The following RELCH variants were observed in gnomAD, a reference collection of about 807,000 sequenced individuals.
RELCH encodes RAB11 binding and LisH domain, coiled-coil and HEAT repeat containing.
A neutral mutation model predicts 150.3 loss-of-function variants in RELCH; 41 were observed. That is an observed-to-expected ratio of 0.27 (90% CI 0.21 to 0.35). The LOEUF is 0.35. Ranked by LOEUF, RELCH falls within the 10% of genes least tolerant of loss-of-function variation. The probability of loss-of-function intolerance (pLI) is 1.00; values close to 1 mark genes in which losing one functional copy is unlikely to be tolerated. For missense variants in RELCH, 1,092 were observed against 1,467.8 expected (o/e 0.74, Z 4.18); for synonymous variants, 478 against 531.8 (o/e 0.90, Z 1.39).
At position 62,187,406 on chromosome 18, in the gene RELCH, G is replaced by C; in HGVS notation, c.-100G>C. ...TCGGGAGGCAGGACGTGGTCAGGCCGGGGCTGTGGAGGTGCGCTGTGTCCC... is the reference window on the plus strand; with the variant it reads ...TCGGGAGGCAGGACGTGGTCAGGCCCGGGCTGTGGAGGTGCGCTGTGTCCC... On this transcript the variant is annotated 5_prime_UTR_variant, in exon 1 of 29. Transcript: ENST00000644646. The C allele has an allele frequency of 1.6e-6, 2 of 1,220,626 alleles. No homozygotes were observed. Among genetic ancestry groups the C allele is most frequent in the South Asian group, 2.0e-5 (1 of 50,922 alleles). The allele number at this position is 1,220,626 out of a possible 1,614,324, so 75.6% of individuals were successfully genotyped here.
chr18:62,299,369 T>C (rs975573628), intron 28 of RELCH, among the ~76,000 whole-genome samples: 5 of 151,758 alleles, frequency 3.3e-5, no homozygotes, highest in Non-Finnish European at 5.9e-5. Flanking sequence ...GGAGTGGGAG[T>C]TATTTACAAA....
intron 27 of RELCH, among the ~76,000 whole-genome samples, chr18:62,293,301 G>T (rs938337145): frequency 6.6e-6 from 1 of 152,182 alleles, no homozygotes; most frequent in Non-Finnish European, 1.5e-5. Context: ...AGTTGAGGGG[G>T]CTGGCAAGTC....
intron 11 of RELCH, among the ~76,000 whole-genome samples, chr18:62,252,405 G>T (rs1037473816): frequency 6.6e-6 from 1 of 152,026 alleles, no homozygotes; most frequent in Non-Finnish European, 1.5e-5. Context: ...TATAGTCCCA[G>T]CTACTCGAGA....
chr18:62,256,921 G>A (rs765254815), intron 13 of RELCH, among the ~76,000 whole-genome samples: 35 of 151,994 alleles, frequency 2.3e-4, no homozygotes, highest in Non-Finnish European at 4.0e-4. Context: ...TGTACCAAAA[G>A]ATGTTATATA....
chr18:62,255,485 T>C lies in RELCH; in HGVS notation c.1896+7T>C. 2.5e-6 allele frequency: 4 copies of C among 1,579,482 alleles called. No homozygotes were observed. The highest frequency in any genetic ancestry group is 1.2e-5 in the South Asian group (1 of 84,586). ...ACTGGCACCTTACCTTCCTGTAAGA[T>C]TGTCTTTTTTTTTTTCTTTAAACTA... On this transcript the variant is annotated splice_region_variant and intron_variant, in intron 13 of 28. Coordinates refer to ENST00000644646, the MANE Select transcript of RELCH (RefSeq NM_001346231.2).
At chr18:62,237,319 G>A (rs2041925190) in intron 10 of RELCH, among the ~76,000 whole-genome samples, 1 of 151,682 alleles carries the variant, frequency 6.6e-6, no homozygotes, top group Non-Finnish European at 1.5e-5. Context: ...TATAAAGTTT[G>A]GGTTCTCTAT....
At chr18:62,201,137 C>A (rs28671215) in intron 1 of RELCH, among the ~76,000 whole-genome samples, 1,667 of 151,752 alleles carry the variant, frequency 0.011, 24 homozygotes, top group East Asian at 0.051. Flanking sequence ...CCATGCCCAG[C>A]TAATTTTTTG....
At chr18:62,257,885 ATAT>A in intron 13 of RELCH, 60 bp from the exon 14 acceptor site, 2 of 1,260,318 alleles carry the variant, frequency 1.6e-6, no homozygotes, top group East Asian at 5.1e-5. Flanking sequence ...GATGTTTGTC[ATAT>A]TATTTTCTAT....
intron 13 of RELCH, among the ~76,000 whole-genome samples, chr18:62,257,440 A>G (rs1447515623): frequency 6.6e-6 from 1 of 152,052 alleles, no homozygotes; most frequent in African/African-American, 2.4e-5. Context: ...TTTCCTCACC[A>G]TATCCCAGAC....
At chr18:62,299,365 G>A (rs2045563489) in intron 28 of RELCH, among the ~76,000 whole-genome samples, 3 of 152,094 alleles carry the variant, frequency 2.0e-5, no homozygotes. Flanking sequence ...TTCAGGAGTG[G>A]GAGTTATTTA....
At chr18:62,274,313 G>T (rs572604812) in intron 21 of RELCH, among the ~76,000 whole-genome samples, 9 of 152,140 alleles carry the variant, frequency 5.9e-5, no homozygotes, top group Non-Finnish European at 1.3e-4. Flanking sequence ...AGGGGAAAGG[G>T]TGCAGACATA....
chr18:62,219,703 T>A (rs1271960485), intron 2 of RELCH, among the ~76,000 whole-genome samples: 1 of 152,044 alleles, frequency 6.6e-6, no homozygotes, highest in East Asian at 1.9e-4. Context: ...TAACATACGA[T>A]GTCATCTGAT....
chr18:62,232,484 G>T (rs1453858273), intron 10 of RELCH, 57 bp downstream of exon 10: 7 of 1,079,386 alleles, frequency 6.5e-6, no homozygotes, highest in Non-Finnish European at 9.9e-6. Context: ...TCCATTTTTT[G>T]TCATTTTGAA....
chr18:62,248,974 AC>A (rs1384741993), intron 11 of RELCH, among the ~76,000 whole-genome samples: 3 of 152,230 alleles, frequency 2.0e-5, no homozygotes, highest in Non-Finnish European at 4.4e-5. Context: ...AGGGACTTGA[AC>A]AAAGCATCCT....
chr18:62,287,532 G>A, intron 26 of RELCH, 65 bp downstream of exon 26: 2 of 844,286 alleles, frequency 2.4e-6, no homozygotes, highest in Non-Finnish European at 3.9e-6. Context: ...AACTTGGTTG[G>A]TAAAGATTGA....
chr18:62,253,249 G>GATGCGGTC (rs113708423), intron 12 of RELCH, among the ~76,000 whole-genome samples: 1 of 149,604 alleles, frequency 6.7e-6, no homozygotes, highest in African/African-American at 2.5e-5. Context: ...GAGTATACTT[G>GATGCGGTC]AAGAAACAGC....
chr18:62,278,455 TTGGTAAA>T (rs1282038167), intron 22 of RELCH, among the ~76,000 whole-genome samples: 2 of 152,160 alleles, frequency 1.3e-5, no homozygotes, highest in African/African-American at 2.4e-5. Context: ...AATGAATCAA[TTGGTAAA>T]TGGTGAAAAA....
At chr18:62,250,953 G>A (rs1279951037) in intron 11 of RELCH, among the ~76,000 whole-genome samples, 3 of 151,978 alleles carry the variant, frequency 2.0e-5, no homozygotes, top group Non-Finnish European at 2.9e-5. Flanking sequence ...TTTCCCATCA[G>A]GTTTTACTGT....
chr18:62,201,652 A>G (rs1480331586), intron 1 of RELCH, among the ~76,000 whole-genome samples: 2 of 152,184 alleles, frequency 1.3e-5, no homozygotes, highest in Non-Finnish European at 2.9e-5. Context: ...AGAGTCAGTT[A>G]TTATTAATAA....
Sources: gnomAD v4.1 joint callset for allele counts (sites outside exome capture counted in the v4.1 genomes callset) on GRCh38, gnomAD v4.1.1 for gene constraint, MANE v1.5 for transcripts, NCBI Gene and HGNC (gene_info 2026-07-23, HGNC 2026-07-21) for gene names.